The following XPO1 variants were observed in gnomAD, a reference collection of about 807,000 sequenced individuals.
XPO1 encodes the protein exportin-1.
Under a neutral mutation model 133.3 loss-of-function variants are expected in XPO1, and 5 were observed. The observed-to-expected ratio is 0.04, with a 90% CI of 0.02 to 0.08. XPO1 has a LOEUF of 0.08. Among genes scored for constraint, XPO1 ranks in the 10% least tolerant of loss-of-function variants. The probability of loss-of-function intolerance (pLI) is 1.00; values close to 1 mark genes in which losing one functional copy is unlikely to be tolerated. For synonymous variants in XPO1, 419 were observed against 408.2 expected, an observed-to-expected ratio of 1.03 and a Z score of -0.32; for missense variants, 506 against 1,267.5, an observed-to-expected ratio of 0.40 and a Z score of 9.12.
At chr2:61,482,697 C>T in intron 22 of XPO1, 158 bp from the exon 23 acceptor site, 4 of 808,092 alleles carry the variant, frequency 4.9e-6, no homozygotes, top group Non-Finnish European at 7.4e-6. Flanking sequence ...CCTCTGCCTC[C>T]TCGGTCCAAG....
At chr2:61,526,849 A>G (rs1157243301) in intron 2 of XPO1, among the ~76,000 whole-genome samples, 1 of 151,700 alleles carries the variant, frequency 6.6e-6, no homozygotes, top group African/African-American at 2.4e-5. Context: ...CTGGGATTAT[A>G]GGCAGGTGCC....
intron 1 of XPO1, among the ~76,000 whole-genome samples, chr2:61,537,315 C>A (rs1038629544): frequency 5.3e-5 from 8 of 151,796 alleles, no homozygotes; most frequent in African/African-American, 1.9e-4. Flanking sequence ...CCACCGCCAC[C>A]CGCACACGCG....
At chr2:61,516,592 G>T (rs1371109791) in intron 4 of XPO1, among the ~76,000 whole-genome samples, 12 of 151,510 alleles carry the variant, frequency 7.9e-5, no homozygotes, top group African/African-American at 2.9e-4. Flanking sequence ...TTTTGTATTT[G>T]TAGTAGAGAT....
intron 4 of XPO1, among the ~76,000 whole-genome samples, chr2:61,513,938 G>A (rs561969437): frequency 1.4e-4 from 22 of 152,080 alleles, no homozygotes; most frequent in African/African-American, 4.3e-4. Context: ...TAATCCTAGC[G>A]CTTTGGGAGG....
intron 2 of XPO1, among the ~76,000 whole-genome samples, chr2:61,532,171 A>C (rs1401617590): frequency 6.6e-6 from 1 of 152,108 alleles, no homozygotes; most frequent in Non-Finnish European, 1.5e-5. Context: ...GCCGTTGCCC[A>C]GGCTGGAGTG....
At chr2:61,519,655 C>T (rs545866768) in intron 4 of XPO1, among the ~76,000 whole-genome samples, 66 of 136,772 alleles carry the variant, frequency 4.8e-4, no homozygotes, top group African/African-American at 1.5e-3. Flanking sequence ...GCCAAGACTG[C>T]GCCACTGCAC....
At chr2:61,479,459 A>AAAAAC (rs969345694) in intron 24 of XPO1, among the ~76,000 whole-genome samples, 1 of 151,694 alleles carries the variant, frequency 6.6e-6, no homozygotes, top group African/African-American at 2.4e-5. Context: ...CCCCCCCAAA[A>AAAAAC]AAAACAAAAA....
At chr2:61,535,582 C>T (rs562870325) in intron 1 of XPO1, among the ~76,000 whole-genome samples, 2 of 152,096 alleles carry the variant, frequency 1.3e-5, no homozygotes, top group African/African-American at 2.4e-5. Flanking sequence ...TATTTTAATG[C>T]AATTGTCTTA....
chr2:61,483,538 CA>C, intron 21 of XPO1: 2 of 184,392 alleles, frequency 1.1e-5, no homozygotes, highest in Non-Finnish European at 2.2e-5. Context: ...ACCTGTTCCC[CA>C]AAAACTATTG....
At chr2:61,516,684 G>C (rs1434918769) in intron 4 of XPO1, among the ~76,000 whole-genome samples, 1 of 152,016 alleles carries the variant, frequency 6.6e-6, no homozygotes, top group Non-Finnish European at 1.5e-5. Context: ...AAAGTGCTGG[G>C]ATTACAGGCA....
intron 10 of XPO1, among the ~76,000 whole-genome samples, chr2:61,496,607 G>C (rs1464431319): frequency 6.6e-6 from 1 of 152,166 alleles, no homozygotes; most frequent in Non-Finnish European, 1.5e-5. Flanking sequence ...TTAGGAACAA[G>C]TCCCAGGTTT....
intron 1 of XPO1, 106 bp from the exon 2 acceptor site, chr2:61,534,009 G>A (rs1029434265): frequency 1.8e-6 from 2 of 1,123,934 alleles, no homozygotes; most frequent in South Asian, 2.8e-5. Flanking sequence ...ATATTTTAAT[G>A]AATACTTTAG....
At chr2:61,527,925 TTC>T (rs896608077) in intron 2 of XPO1, among the ~76,000 whole-genome samples, 19 of 151,952 alleles carry the variant, frequency 1.3e-4, no homozygotes, top group Non-Finnish European at 1.8e-4. Flanking sequence ...TATTCCTTTT[TTC>T]TCTCTTTTTT....
chr2:61,488,093 AAT>A (rs1292948888), intron 19 of XPO1, 70 bp downstream of exon 19: 5 of 1,339,122 alleles, frequency 3.7e-6, no homozygotes, highest in Non-Finnish European at 5.3e-6. Context: ...AAATGCACAT[AAT>A]AGAGTATAGC....
At chr2:61,505,402 T>C (rs2104562191) in intron 4 of XPO1, among the ~76,000 whole-genome samples, 1 of 151,880 alleles carries the variant, frequency 6.6e-6, no homozygotes, top group East Asian at 1.9e-4. Flanking sequence ...CTTTTTTTTT[T>C]TTTTTTTGAG....
At chr2:61,499,063 T>C (rs919242264) in intron 7 of XPO1, 150 bp from the exon 8 acceptor site, 8 of 895,820 alleles carry the variant, frequency 8.9e-6, no homozygotes, top group Non-Finnish European at 1.3e-5. Flanking sequence ...AGAAGGATTG[T>C]TTGAGACCAG....
intron 3 of XPO1, 127 bp from the exon 4 acceptor site, chr2:61,522,810 T>A: frequency 1.5e-6 from 1 of 672,344 alleles, no homozygotes; most frequent in Non-Finnish European, 2.6e-6. Flanking sequence ...CTACCAAGTT[T>A]AATTACACAT....
chr2:61,518,956 C>T (rs946228078), intron 4 of XPO1, among the ~76,000 whole-genome samples: 1 of 152,040 alleles, frequency 6.6e-6, no homozygotes, highest in African/African-American at 2.4e-5. Flanking sequence ...CTAATTATGT[C>T]TATCTTTTGC....
rs1202781294 is a variant in XPO1, at chr2:61,478,576, A to G, written c.*244T>C. 1 of 427,456 alleles carries G rather than the reference A, an allele frequency of 2.3e-6. No homozygotes were observed. The highest frequency in any genetic ancestry group is 2.0e-5 in the African/African-American group (1 of 49,022). The allele number at this position is 427,456 out of a possible 1,614,324, so 26.5% of individuals were successfully genotyped here. A position where few individuals can be genotyped will look rare whatever the true frequency, so the allele number is the denominator to read the frequency against. ...CCAGCCACAAAAATGGGCATGAAGTAAAATTTTTAAAAATGCCTTAATTTT... is the reference window on the plus strand; with the variant it reads ...CCAGCCACAAAAATGGGCATGAAGTGAAATTTTTAAAAATGCCTTAATTTT... On this transcript the variant is annotated 3_prime_UTR_variant, in exon 25 of 25. Transcript: ENST00000401558.
Sources: gnomAD v4.1 joint callset for allele counts (sites outside exome capture counted in the v4.1 genomes callset) on GRCh38, gnomAD v4.1.1 for gene constraint, MANE v1.5 for transcripts, NCBI Gene and HGNC (gene_info 2026-07-23, HGNC 2026-07-21) for gene names.